Variants in SLC25A20 observed in about 807,000 individuals in gnomAD.
SLC25A20 encodes mitochondrial carnitine/acylcarnitine carrier protein.
A neutral mutation model predicts 39.7 loss-of-function variants in SLC25A20; 29 were observed. The ratio of observed to expected loss-of-function variants is 0.73; its 90% CI spans 0.54 to 1.00. SLC25A20 has a LOEUF of 1.00. SLC25A20 is among the 50% of genes least tolerant of loss of function. The pLI is 0.00. For missense variants in SLC25A20, 333 were observed against 379.9 expected, an observed-to-expected ratio of 0.88 and a Z score of 1.03; for synonymous variants, 103 against 142.2, an observed-to-expected ratio of 0.72 and a Z score of 1.96.
intron 2 of SLC25A20, 72 bp downstream of exon 2, chr3:48,891,908 C>A: frequency 8.1e-7 from 1 of 1,232,052 alleles, no homozygotes; most frequent in Non-Finnish European, 1.2e-6. Flanking sequence ...TTAACCTACT[C>A]TCCTTGGGGG....
intron 4 of SLC25A20, among the ~76,000 whole-genome samples, chr3:48,873,900 C>T (rs1228781004): frequency 7.8e-6 from 1 of 128,124 alleles, no homozygotes. Flanking sequence ...ACCCGGGAGG[C>T]GGAGCTTGCA....
chr3:48,877,819 G>C (rs2083769908), intron 4 of SLC25A20, among the ~76,000 whole-genome samples: 1 of 152,136 alleles, frequency 6.6e-6, no homozygotes, highest in Non-Finnish European at 1.5e-5. Flanking sequence ...TTCTAAATTT[G>C]TTAAGACATG....
chr3:48,896,595 C>G (rs1392004746), intron 1 of SLC25A20, among the ~76,000 whole-genome samples: 1 of 152,114 alleles, frequency 6.6e-6, no homozygotes, highest in African/African-American at 2.4e-5. Context: ...ACTGCAACCT[C>G]CGCCCTGTGG....
rs888831126 is a variant in SLC25A20 at position 48,898,577 on chromosome 3, C to T, written c.105+113G>A. 4.1e-6 allele frequency: 4 copies of T among 970,098 alleles called. No homozygotes were observed. In the African/African-American group the frequency reaches 4.9e-5, roughly 12 times the overall value. The allele number at this position is 970,098 out of a possible 1,614,324, so 60.1% of individuals were successfully genotyped here. A position where few individuals can be genotyped will look rare whatever the true frequency, so the allele number is the denominator to read the frequency against. On this transcript the variant is annotated intron_variant, in intron 1 of 8. Coordinates refer to ENST00000319017, the MANE Select transcript of SLC25A20 (RefSeq NM_000387.6). ...AAAGAGAGATTCCCTAGACTTCTCA[C>T]GGAAGCTCACACATGCCCCTCTTCT...
chr3:48,881,588 G>A (rs2083795991), intron 3 of SLC25A20, among the ~76,000 whole-genome samples: 1 of 152,134 alleles, frequency 6.6e-6, no homozygotes, highest in Admixed American at 6.6e-5. Context: ...CCATTCCAGG[G>A]AGGTGAACAC....
chr3:48,888,959 C>A (rs1010993815), intron 2 of SLC25A20, among the ~76,000 whole-genome samples: 5 of 151,834 alleles, frequency 3.3e-5, no homozygotes, highest in Non-Finnish European at 5.9e-5. Flanking sequence ...TGGTGCATGC[C>A]TATAATCCCA....
intron 4 of SLC25A20, among the ~76,000 whole-genome samples, chr3:48,865,423 C>G (rs2083658737): frequency 6.6e-6 from 1 of 151,520 alleles, no homozygotes; most frequent in Admixed American, 6.6e-5. Context: ...ACAGCGCCCA[C>G]AGAGATATAA....
At chr3:48,870,641 G>A (rs922697736) in intron 4 of SLC25A20, among the ~76,000 whole-genome samples, 4 of 143,148 alleles carry the variant, frequency 2.8e-5, no homozygotes, top group Admixed American at 7.4e-5. Context: ...AGCCCACCAC[G>A]TAGCTGGGAC....
chr3:48,884,732 A>G (rs541731873), intron 2 of SLC25A20, among the ~76,000 whole-genome samples: 1 of 152,174 alleles, frequency 6.6e-6, no homozygotes, highest in Non-Finnish European at 1.5e-5. Flanking sequence ...TATTCTAGGG[A>G]AATACTCAGA....
chr3:48,861,074 G>A (rs546228119), intron 5 of SLC25A20, among the ~76,000 whole-genome samples: 90 of 151,568 alleles, frequency 5.9e-4, no homozygotes, highest in African/African-American at 2.1e-3. Context: ...TGATCCGCCC[G>A]CCTCGGCCTC....
At chr3:48,879,704 G>A (rs932807943) in intron 3 of SLC25A20, among the ~76,000 whole-genome samples, 2 of 152,162 alleles carry the variant, frequency 1.3e-5, no homozygotes, top group South Asian at 4.1e-4. Context: ...TGTGGTACAC[G>A]CTCAGAATCC....
chr3:48,858,736 AT>A, intron 7 of SLC25A20, 105 bp from the exon 8 acceptor site: 1 of 1,368,804 alleles, frequency 7.3e-7, no homozygotes, highest in Non-Finnish European at 1.0e-6. Flanking sequence ...CTTGCAGGTC[AT>A]GTGGGACCAG....
In SLC25A20 at chr3:48,857,595, C is replaced by G. The variant is rs886058658; in HGVS notation, c.*115G>C. 2 of 904,632 alleles carry G rather than the reference C, an allele frequency of 2.2e-6. No homozygotes were observed. Among genetic ancestry groups the G allele is most frequent in the Non-Finnish European group, 3.6e-6 (2 of 554,000 alleles). The allele number at this position is 904,632 out of a possible 1,614,324, so 56.0% of individuals were successfully genotyped here. On this transcript the variant is annotated 3_prime_UTR_variant, in exon 9 of 9. Coordinates refer to ENST00000319017, the MANE Select transcript of SLC25A20 (RefSeq NM_000387.6). The stretch of plus-strand genomic sequence containing the variant: ...TCTCACCAAGTCCATGCACAGGGCT[C>G]GGATCTCACCATTCCCCTCCCCTTG...
chr3:48,893,901 C>T (rs933884748), intron 1 of SLC25A20, among the ~76,000 whole-genome samples: 1 of 150,604 alleles, frequency 6.6e-6, no homozygotes, highest in Non-Finnish European at 1.5e-5. Context: ...TGGCTCACAC[C>T]TGTAATCCCA....
chr3:48,879,475 A>G, intron 3 of SLC25A20, 27 bp from the exon 4 acceptor site: 1 of 1,547,814 alleles, frequency 6.5e-7, no homozygotes, highest in East Asian at 2.2e-5. Context: ...AAGCAGAAGC[A>G]AGCACCTGTG....
intron 4 of SLC25A20, among the ~76,000 whole-genome samples, chr3:48,863,543 G>A (rs942860789): frequency 2.0e-5 from 3 of 152,016 alleles, no homozygotes; most frequent in Non-Finnish European, 4.4e-5. Context: ...ACAGCTCCAT[G>A]CAGGATCCAC....
chr3:48,897,212 C>G (rs1299704950), intron 1 of SLC25A20, among the ~76,000 whole-genome samples: 1 of 150,902 alleles, frequency 6.6e-6, no homozygotes, highest in African/African-American at 2.4e-5. Flanking sequence ...TAAAAAGAGG[C>G]TTTCTGGTTG....
Position 48,862,646 on chromosome 3 carries a change from G to A in SLC25A20, c.431C>T (p.Ser144Leu), listed in dbSNP as rs962783525. The change falls in exon 5 of 9, where the codon TCA becomes TTA. Residue 144 changes from serine to leucine, a missense_variant. Physicochemically the swap from Ser to Leu is moderately radical, Grantham distance 145. Transcript: ENST00000319017. Reference sequence around the variant, plus strand: ...GGTACCAGTGTACTTGCTTTCTCCTGAAGAAGCCTGAATCTGGGAGGGAGG... The same window carrying A: ...GGTACCAGTGTACTTGCTTTCTCCTAAAGAAGCCTGAATCTGGGAGGGAGG... ...IKCLLQIQAS[S>L]GESKYTGTLD... 3.1e-6 allele frequency: 5 copies of A among 1,611,080 alleles called. No homozygotes were observed. Among genetic ancestry groups the A allele is most frequent in the African/African-American group, 1.3e-5 (1 of 74,852 alleles).
At chr3:48,870,532 A>G (rs1365120156) in intron 4 of SLC25A20, among the ~76,000 whole-genome samples, 1 of 151,562 alleles carries the variant, frequency 6.6e-6, no homozygotes, top group African/African-American at 2.4e-5. Flanking sequence ...CACAATGCTG[A>G]TGAAAGAAAT....
Sources: gnomAD v4.1 joint callset for allele counts (sites outside exome capture counted in the v4.1 genomes callset) on GRCh38, gnomAD v4.1.1 for gene constraint, MANE v1.5 for transcripts, NCBI Gene and HGNC (gene_info 2026-07-23, HGNC 2026-07-21) for gene names.